ATAD2B: variants seen among roughly 807,000 people sequenced by gnomAD.
ATAD2B encodes the protein ATPase family AAA domain containing 2B, also known as ATPase family AAA domain-containing protein 2B.
A neutral mutation model predicts 167.6 loss-of-function variants in ATAD2B; 40 were observed. The ratio of observed to expected loss-of-function variants is 0.24; its 90% CI spans 0.19 to 0.31. ATAD2B has a LOEUF of 0.31. Among genes scored for constraint, ATAD2B ranks in the 10% least tolerant of loss-of-function variants. The probability of loss-of-function intolerance (pLI) is 1.00; values close to 1 mark genes in which losing one functional copy is unlikely to be tolerated. For synonymous variants in ATAD2B, 579 were observed against 596.5 expected, an observed-to-expected ratio of 0.97 and a Z score of 0.43; for missense variants, 1,242 against 1,757.2, an observed-to-expected ratio of 0.71 and a Z score of 5.24.
intron 22 of ATAD2B, among the ~76,000 whole-genome samples, chr2:23,766,542 G>A (rs1198920365): frequency 6.6e-6 from 1 of 152,066 alleles, no homozygotes; most frequent in Admixed American, 6.6e-5. Flanking sequence ...CCACTCAAAG[G>A]CACCACTGAT....
intron 19 of ATAD2B, among the ~76,000 whole-genome samples, chr2:23,797,871 A>T (rs1331967351): frequency 6.6e-6 from 1 of 152,150 alleles, no homozygotes; most frequent in African/African-American, 2.4e-5. Context: ...TGAATTAGAG[A>T]TGCTGAATCT....
At chr2:23,700,516 AT>A in the ATAD2B span, among the ~76,000 whole-genome samples, 1 of 152,162 alleles carries the variant, frequency 6.6e-6, no homozygotes, top group Non-Finnish European at 1.5e-5. This position sits in a 1 kb window ranked among gnomAD's most constrained non-coding sequence, Gnocchi z 4.6. Context: ...CAACATCCCT[AT>A]GGTAGCTTGA....
intron 14 of ATAD2B, among the ~76,000 whole-genome samples, chr2:23,831,032 G>A (rs1688970856): frequency 6.6e-6 from 1 of 151,926 alleles, no homozygotes; most frequent in Non-Finnish European, 1.5e-5. Flanking sequence ...CTTTCCTTTT[G>A]TCATACTAAA....
chr2:23,852,180 A>G (rs1053042699), intron 13 of ATAD2B, among the ~76,000 whole-genome samples: 4 of 152,232 alleles, frequency 2.6e-5, no homozygotes, highest in Non-Finnish European at 4.4e-5. Context: ...CCATAAACAA[A>G]ACTCCAGGCC....
intron 18 of ATAD2B, among the ~76,000 whole-genome samples, chr2:23,807,897 AAAATATATAAATAT>A (rs1218051886): frequency 1.9e-4 from 26 of 135,322 alleles, no homozygotes; most frequent in East Asian, 1.2e-3. Context: ...TGTATATAAT[AAAATATATAAATAT>A]AAATATATAA....
chr2:23,703,275 TCTAC>T, the ATAD2B span: 1 of 1,549,068 alleles, frequency 6.5e-7, no homozygotes, highest in African/African-American at 1.4e-5. Context: ...GGCGGCAAGA[TCTAC>T]GTGTTTGGTG....
At chr2:23,808,145 T>TATATA (rs1217510464) in intron 18 of ATAD2B, among the ~76,000 whole-genome samples, 1 of 70,684 alleles carries the variant, frequency 1.4e-5, no homozygotes, top group Non-Finnish European at 2.9e-5. Flanking sequence ...TGATTACTTA[T>TATATA]ATTATATGTT....
chr2:23,806,768 C>G (rs1358871284), intron 18 of ATAD2B, among the ~76,000 whole-genome samples: 3 of 152,118 alleles, frequency 2.0e-5, no homozygotes, highest in African/African-American at 7.2e-5. Flanking sequence ...TCATTGAGGA[C>G]TATATGTCAA....
At chr2:23,706,467 C>G in the ATAD2B span, 1 of 1,466,108 alleles carries the variant, frequency 6.8e-7, no homozygotes, top group Non-Finnish European at 9.0e-7. Context: ...TCTGTCCCCG[C>G]TTTCCCCCAA....
intron 24 of ATAD2B, among the ~76,000 whole-genome samples, chr2:23,758,980 A>G (rs992335222): frequency 2.0e-5 from 3 of 152,196 alleles, no homozygotes; most frequent in Admixed American, 6.5e-5. Context: ...TCACATATGT[A>G]TCAAATTGAG....
chr2:23,705,118 A>G, the ATAD2B span, among the ~76,000 whole-genome samples: 511 of 152,342 alleles, frequency 3.4e-3, 3 homozygotes, highest in African/African-American at 0.011. Flanking sequence ...GCACAGTCTG[A>G]CTACCCCGTC....
At chr2:23,739,570 T>A in the ATAD2B span, among the ~76,000 whole-genome samples, 3 of 152,050 alleles carry the variant, frequency 2.0e-5, no homozygotes, top group South Asian at 6.3e-4. Flanking sequence ...GGGAAATTTA[T>A]AGCACTAAAT....
chr2:23,686,885 G>A, the ATAD2B span, among the ~76,000 whole-genome samples: 2 of 152,194 alleles, frequency 1.3e-5, no homozygotes, highest in African/African-American at 2.4e-5. Flanking sequence ...GAAAGTCGCC[G>A]TGTTCGTTTG....
chr2:23,911,945 C>T (rs1375642705), intron 1 of ATAD2B, among the ~76,000 whole-genome samples: 1 of 150,162 alleles, frequency 6.7e-6, no homozygotes, highest in Admixed American at 6.7e-5. Context: ...ATTGCATACT[C>T]CAGCCTGGGT....
intron 19 of ATAD2B, among the ~76,000 whole-genome samples, chr2:23,791,140 T>C (rs907504581): frequency 1.3e-5 from 2 of 152,270 alleles, no homozygotes; most frequent in African/African-American, 4.8e-5. Flanking sequence ...ATTCCATTTA[T>C]TGCTGAATAG....
rs891049771 is a variant in ATAD2B, at chr2:23,875,837, G to A, written c.969C>T (p.Ser323=). The change falls in exon 8 of 28, where the codon AGC becomes AGT. Residue 323 remains serine, a synonymous_variant. Coordinates refer to ENST00000238789, the MANE Select transcript of ATAD2B (RefSeq NM_017552.4). ...FDIHRSPARR[S]HIRRKKHAIH... ...TCAAAAACAAACCTTACCTAATATG[G>A]CTTCTTCTTGCTGGAGATCTATGAA... 1 of 1,606,682 alleles carries A rather than the reference G, an allele frequency of 6.2e-7. No individual in the cohort carries two copies. The highest frequency in any genetic ancestry group is 1.1e-5 in the South Asian group (1 of 89,898).
At chr2:23,847,726 C>A (rs1384836651) in intron 13 of ATAD2B, among the ~76,000 whole-genome samples, 3 of 151,622 alleles carry the variant, frequency 2.0e-5, no homozygotes, top group Non-Finnish European at 4.4e-5. Context: ...GTAGCTCATG[C>A]CTGTAATCCC....
At chr2:23,884,163 C>T (rs1698364248) in intron 6 of ATAD2B, among the ~76,000 whole-genome samples, 2 of 151,958 alleles carry the variant, frequency 1.3e-5, no homozygotes, top group African/African-American at 4.8e-5. Context: ...AAGATTAATG[C>T]CTACAGAATT....
rs1468429037 is a variant in ATAD2B at position 23,869,730 on chromosome 2, T to C, written c.1009A>G (p.Thr337Ala). The part of the protein sequence containing the change: ...RKKHAIHSSD[T>A]TSSDEERFER... ...AAGCGTTCCTCATCAGAAGAAGTTG[T>C]GTCACTACTATGAATGGCATGCTTC... is the stretch of plus-strand genomic sequence containing the variant. The change falls in exon 9 of 28, where the codon ACA (threonine) becomes GCA (alanine). Residue 337 changes from threonine (T) to alanine (A), a missense_variant. Thr to Ala is a moderately conservative substitution (Grantham distance 58). This residue lies in a region of ATAD2B where 127 missense variants were observed against 146.3 expected (regional missense o/e 0.87). Transcript: ENST00000238789. The C allele has an allele frequency of 6.4e-7, 1 of 1,567,634 alleles. No homozygotes were observed. Among genetic ancestry groups the C allele is most frequent in the Admixed American group, 1.9e-5 (1 of 52,484 alleles).
Sources: gnomAD v4.1 joint callset for allele counts (sites outside exome capture counted in the v4.1 genomes callset) on GRCh38, gnomAD v4.1.1 for gene constraint, gnomAD v4.1.1 regional missense constraint, Gnocchi (gnomAD v3.1) non-coding constraint, MANE v1.5 for transcripts, NCBI Gene and HGNC (gene_info 2026-07-23, HGNC 2026-07-21) for gene names.